Variants in NRXN3 observed in about 807,000 individuals in gnomAD.
The protein encoded by NRXN3 is neurexin 3, also known as neurexin III.
A neutral mutation model predicts 137.6 loss-of-function variants in NRXN3; 32 were observed. The ratio of observed to expected loss-of-function variants is 0.23; its 90% CI spans 0.18 to 0.31. NRXN3 has a LOEUF of 0.31. Ranked by LOEUF, NRXN3 falls within the 10% of genes least tolerant of loss-of-function variation. The pLI is 1.00. For synonymous variants in NRXN3, 798 were observed against 784.5 expected, an observed-to-expected ratio of 1.02 and a Z score of -0.29; for missense variants, 1,574 against 2,062.5, an observed-to-expected ratio of 0.76 and a Z score of 4.59.
chr14:78,792,702 C>T (rs891870333), intron 8 of NRXN3, among the ~76,000 whole-genome samples: 1 of 152,146 alleles, frequency 6.6e-6, no homozygotes, highest in East Asian at 1.9e-4. Flanking sequence ...GCAAAATTTA[C>T]AGCACTTATC....
At chr14:79,451,712 T>C (rs1002285145) in intron 15 of NRXN3, among the ~76,000 whole-genome samples, 3 of 152,214 alleles carry the variant, frequency 2.0e-5, no homozygotes, top group Admixed American at 2.0e-4. Flanking sequence ...GGAGGGCTGA[T>C]CAAAATGCCA....
intron 15 of NRXN3, among the ~76,000 whole-genome samples, chr14:79,320,754 C>G (rs1598682760): frequency 6.6e-6 from 1 of 151,988 alleles, no homozygotes; most frequent in South Asian, 2.1e-4. Context: ...ACCACCATCC[C>G]TTGGTACAGT....
At chr14:78,533,483 A>G (rs1027998872) in intron 4 of NRXN3, among the ~76,000 whole-genome samples, 4 of 152,074 alleles carry the variant, frequency 2.6e-5, no homozygotes, top group Admixed American at 6.5e-5. Context: ...TAATAGTCCA[A>G]TCTTCTGTAT....
At chr14:78,296,831 T>A (rs1459741163) in intron 3 of NRXN3, among the ~76,000 whole-genome samples, 1 of 152,196 alleles carries the variant, frequency 6.6e-6, no homozygotes, top group African/African-American at 2.4e-5. Context: ...TTTTTTTTCC[T>A]TTATTAATCC....
intron 16 of NRXN3, among the ~76,000 whole-genome samples, chr14:79,541,579 A>G (rs960183203): frequency 1.3e-5 from 2 of 152,198 alleles, no homozygotes; most frequent in African/African-American, 4.8e-5. Context: ...AGGTATAAAG[A>G]TGAGCTATAG....
intron 15 of NRXN3, among the ~76,000 whole-genome samples, chr14:79,419,410 G>A (rs1348193116): frequency 2.0e-5 from 3 of 152,142 alleles, no homozygotes; most frequent in South Asian, 2.1e-4. Context: ...TTCTAGGTAG[G>A]AGAGATTCCA....
chr14:79,264,765 A>G (rs1454151565), intron 15 of NRXN3, among the ~76,000 whole-genome samples: 3 of 152,296 alleles, frequency 2.0e-5, no homozygotes, highest in South Asian at 4.1e-4. Context: ...CATTGCAGAG[A>G]GTAACTAGAA....
intron 19 of NRXN3, among the ~76,000 whole-genome samples, chr14:79,779,955 C>T (rs2099108781): frequency 6.6e-6 from 1 of 152,100 alleles, no homozygotes; most frequent in Admixed American, 6.5e-5. Flanking sequence ...ACTTCCGCCT[C>T]CTAGGCTCAA....
At chr14:78,300,238 A>G (rs1279998965) in intron 4 of NRXN3, among the ~76,000 whole-genome samples, 1 of 152,260 alleles carries the variant, frequency 6.6e-6, no homozygotes, top group African/African-American at 2.4e-5. Context: ...CATAACTCAT[A>G]TTAATGTTAG....
chr14:78,774,212 A>G (rs529920658), intron 8 of NRXN3, among the ~76,000 whole-genome samples: 1 of 152,366 alleles, frequency 6.6e-6, no homozygotes, highest in Admixed American at 6.5e-5. Flanking sequence ...CTCAACAGTC[A>G]CATAGCGTTA....
intron 2 of NRXN3, among the ~76,000 whole-genome samples, chr14:78,268,189 TA>T (rs2072109600): frequency 1.3e-5 from 2 of 152,202 alleles, no homozygotes; most frequent in Non-Finnish European, 2.9e-5. Context: ...CAGTGTATCT[TA>T]GTATGGATGA....
chr14:79,422,299 A>G (rs2095589257), intron 15 of NRXN3, among the ~76,000 whole-genome samples: 1 of 152,016 alleles, frequency 6.6e-6, no homozygotes, highest in African/African-American at 2.4e-5. Context: ...CCTGGGCTCA[A>G]GCATTCCTCC....
At chr14:78,440,177 T>C (rs1375453246) in intron 4 of NRXN3, among the ~76,000 whole-genome samples, 1 of 152,240 alleles carries the variant, frequency 6.6e-6, no homozygotes, top group Non-Finnish European at 1.5e-5. Flanking sequence ...TCCTGCATAG[T>C]TGCTAATGAG....
At chr14:78,386,958 G>A (rs1598093533) in intron 4 of NRXN3, among the ~76,000 whole-genome samples, 1 of 151,726 alleles carries the variant, frequency 6.6e-6, no homozygotes, top group East Asian at 1.9e-4. Context: ...TTTTTTGTAT[G>A]TTTAGTAGAG....
intron 4 of NRXN3, among the ~76,000 whole-genome samples, chr14:78,415,841 T>C (rs2093106572): frequency 6.6e-6 from 1 of 151,918 alleles, no homozygotes; most frequent in South Asian, 2.1e-4. Context: ...AGGAAGGCCA[T>C]GGGAGGACAA....
intron 4 of NRXN3, among the ~76,000 whole-genome samples, chr14:78,408,776 C>T (rs777693430): frequency 2.0e-5 from 3 of 152,224 alleles, no homozygotes; most frequent in Non-Finnish European, 4.4e-5. Context: ...TACACTTCCC[C>T]TCTGCATTGC....
At chr14:79,054,284 C>T (rs2099650425) in intron 15 of NRXN3, among the ~76,000 whole-genome samples, 1 of 151,972 alleles carries the variant, frequency 6.6e-6, no homozygotes, top group South Asian at 2.1e-4. Context: ...ACGTTATGCA[C>T]ATGTACCCTA....
At chr14:78,608,859 C>T (rs1370855618) in intron 4 of NRXN3, among the ~76,000 whole-genome samples, 2 of 152,000 alleles carry the variant, frequency 1.3e-5, no homozygotes, top group Non-Finnish European at 2.9e-5. Flanking sequence ...ACTACAGCTG[C>T]CTGGAGGAGA....
At chr14:78,260,425 C>T (rs79061908) in intron 2 of NRXN3, among the ~76,000 whole-genome samples, 254 of 152,246 alleles carry the variant, frequency 1.7e-3, no homozygotes, top group Non-Finnish European at 2.9e-3. Flanking sequence ...TTAGGACTTA[C>T]GCTTCTAAGT....
Sources: allele counts gnomAD v4.1 joint callset (sites outside exome capture counted in the v4.1 genomes callset), GRCh38; gene constraint gnomAD v4.1.1; transcripts MANE v1.5; gene names NCBI Gene and HGNC (gene_info 2026-07-23, HGNC 2026-07-21).